ARHGEF16: variants seen among roughly 807,000 people sequenced by gnomAD.
The protein encoded by ARHGEF16 is Rho guanine nucleotide exchange factor 16.
ARHGEF16 carries 59 observed loss-of-function variants against 74.1 expected under a neutral mutation model. The observed-to-expected ratio is 0.80, with a 90% CI of 0.65 to 0.99. The LOEUF is 0.99. ARHGEF16 is among the 50% of genes least tolerant of loss of function. The pLI, the probability that ARHGEF16 is intolerant of heterozygous loss-of-function variation, is 0.00. For missense variants in ARHGEF16, 948 were observed against 986.6 expected (o/e 0.96, Z 0.52); for synonymous variants, 415 against 412.6 (o/e 1.01, Z -0.07).
intron 8 of ARHGEF16, 71 bp from the exon 9 acceptor site, chr1:3,474,637 G>A: frequency 6.9e-7 from 1 of 1,447,942 alleles, no homozygotes; most frequent in Non-Finnish European, 9.7e-7. Context: ...CACGGGGTCT[G>A]GCGTTGGTGG....
At chr1:3,478,740 G>A (rs1424892466) in intron 12 of ARHGEF16, 128 bp downstream of exon 12, 2 of 1,076,200 alleles carry the variant, frequency 1.9e-6, no homozygotes, top group African/African-American at 1.6e-5. Context: ...ACCTGGCCCT[G>A]CTGTAGGTGC....
rs1330982886 is a variant in ARHGEF16 at position 3,463,683 on chromosome 1, G to A, written c.588+11G>A. ...CCGGCCAAAAACAAGGTAGGGGCCT[G>A]CTCGTGTGGACCGTGGGGAGGGGGC... On this transcript the variant is annotated intron_variant, in intron 2 of 14. Coordinates refer to ENST00000378378, the MANE Select transcript of ARHGEF16 (RefSeq NM_014448.4). 1.4e-6 allele frequency: 2 copies of A among 1,405,470 alleles called. No individual in the cohort carries two copies. The highest frequency in any genetic ancestry group is 2.5e-5 in the East Asian group (1 of 39,264). 87.1% of individuals were successfully genotyped at this position (1,405,470 alleles called of 1,614,324 possible). A position where few individuals can be genotyped will look rare whatever the true frequency, so the allele number is the denominator to read the frequency against.
In ARHGEF16 at chr1:3,479,863, A is replaced by T; in HGVS notation, c.1940A>T (p.Glu647Val). 1 of 1,612,436 alleles carries T rather than the reference A, an allele frequency of 6.2e-7. No homozygotes were observed. The highest frequency in any genetic ancestry group is 8.5e-7 in the Non-Finnish European group (1 of 1,179,920). The change falls in exon 14 of 15, where the codon GAG becomes GTG. Residue 647 changes from glutamate (E) to valine (V), a missense_variant. Transcript: ENST00000378378. The stretch of plus-strand genomic sequence containing the variant: ...GCCTTCTTCGCGAAGCAAGCAGACG[A>T]GGTCACACTGCAGCAGGCGGACGTG... ...TKAFFAKQAD[E>V]VTLQQADVVL...
chr1:3,478,577 C>T lies in ARHGEF16; in HGVS notation c.1779C>T (p.Gly593=), dbSNP rs2100761654. The change falls in exon 12 of 15, where the codon GGC becomes GGT. Residue 593 remains glycine (G), a synonymous_variant. Transcript: ENST00000378378. ...FQVTLLRNSE[G]RQEQLLLSSD... ...TGACCCTGCTTCGCAACAGCGAGGGCCGCCAGGAGCAGCTCCTGCTCTCCT... is the reference window on the plus strand; with the variant it reads ...TGACCCTGCTTCGCAACAGCGAGGGTCGCCAGGAGCAGCTCCTGCTCTCCT... The T allele has an allele frequency of 6.2e-7, 1 of 1,612,192 alleles. No homozygotes were observed. The highest frequency in any genetic ancestry group is 8.5e-7 in the Non-Finnish European group (1 of 1,179,608).
chr1:3,457,139 C>T (rs1291081558), intron 1 of ARHGEF16, among the ~76,000 whole-genome samples: 2 of 152,258 alleles, frequency 1.3e-5, no homozygotes, highest in Non-Finnish European at 2.9e-5. Context: ...ACCTTGCAAA[C>T]GGAGCTGGCT....
intron 8 of ARHGEF16, 75 bp from the exon 9 acceptor site, chr1:3,474,633 G>T: frequency 1.4e-6 from 2 of 1,417,506 alleles, no homozygotes; most frequent in Non-Finnish European, 2.0e-6. Flanking sequence ...CCCACACGGG[G>T]TCTGGCGTTG....
chr1:3,467,480 C>A (rs1171119677), intron 4 of ARHGEF16, 143 bp downstream of exon 4: 2 of 1,063,850 alleles, frequency 1.9e-6, no homozygotes, highest in African/African-American at 3.2e-5. Context: ...TTCCCAGAAG[C>A]CCCTCGGCTG....
At chr1:3,479,169 C>T (rs934185825) in intron 12 of ARHGEF16, among the ~76,000 whole-genome samples, 5 of 152,222 alleles carry the variant, frequency 3.3e-5, no homozygotes, top group East Asian at 1.9e-4. Flanking sequence ...CCTCTCAGCT[C>T]GTCTTGACTG....
chr1:3,463,368 T>C lies in ARHGEF16; in HGVS notation c.284T>C (p.Val95Ala). 1.3e-6 allele frequency: 2 copies of C among 1,550,126 alleles called. No homozygotes were observed. The highest frequency in any genetic ancestry group is 1.7e-6 in the Non-Finnish European group (2 of 1,146,880). Residue 95 changes from valine to alanine, a missense_variant, in exon 2 of 15, where the codon GTG (valine) becomes GCG (alanine). Val to Ala is a moderately conservative substitution (Grantham distance 64). Transcript: ENST00000378378. ...CAGCTGATCCCTAAGAGCCTGGCTG[T>C]GGCCAGCAAGGCAAAGACCCCAGCC... ...TQQLIPKSLAVASKAKTPARH... is the reference protein window; with the variant it reads ...TQQLIPKSLAAASKAKTPARH...
intron 1 of ARHGEF16, among the ~76,000 whole-genome samples, chr1:3,461,979 T>G (rs897186588): frequency 4.0e-5 from 6 of 150,772 alleles, no homozygotes; most frequent in African/African-American, 1.5e-4. Context: ...AGGAGGAAAG[T>G]GAGAAATGGG....
intron 1 of ARHGEF16, among the ~76,000 whole-genome samples, chr1:3,458,571 C>T (rs543229101): frequency 6.6e-6 from 1 of 152,372 alleles, no homozygotes; most frequent in South Asian, 2.1e-4. Flanking sequence ...CCATTGGGCC[C>T]TCCCGGTCAG....
At position 3,477,877 on chromosome 1, in the gene ARHGEF16, C is replaced by T. The variant is rs17854723; in HGVS notation, c.1476C>T (p.Ser492=). The change falls in exon 11 of 15, where the codon TCC becomes TCT. Residue 492 remains serine (S), a splice_region_variant and synonymous_variant. Transcript: ENST00000378378. ...GCCTCCCGGCTCTGTCCCCCCAGTC[C>T]CTCCCACTGATCTCTGCCTCCCGGT... is the stretch of plus-strand genomic sequence containing the variant. ...HTQLDFSKVK[S]LPLISASRWL... 18,783 of 1,603,162 alleles carry T rather than the reference C, an allele frequency of 0.012. 1,837 individuals are homozygous for T. The African/African-American group carries it at 0.22, about 18-fold the overall frequency.
intron 3 of ARHGEF16, among the ~76,000 whole-genome samples, chr1:3,466,682 T>A (rs561811966): frequency 6.6e-6 from 1 of 152,180 alleles, no homozygotes; most frequent in Admixed American, 6.5e-5. Context: ...AGGTGCCTGC[T>A]ACCTGGGTCC....
rs1268230976 is a variant in ARHGEF16 at position 3,467,201 on chromosome 1, G to A, written c.668G>A (p.Gly223Asp). The A allele has an allele frequency of 1.3e-6, 2 of 1,550,650 alleles. No individual in the cohort carries two copies. The highest frequency in any genetic ancestry group is 1.7e-6 in the Non-Finnish European group (2 of 1,146,870). Reference sequence around the variant, plus strand: ...CTCTACCAGGAGATCCAGGAGCGGGGCCTGAACACCAGCCAGGAGTCTGAT... The same window carrying A: ...CTCTACCAGGAGATCCAGGAGCGGGACCTGAACACCAGCCAGGAGTCTGAT... ...PQLYQEIQERGLNTSQESDDD... is the reference protein window; with the variant it reads ...PQLYQEIQERDLNTSQESDDD... The change falls in exon 4 of 15, where the codon GGC (glycine) becomes GAC (aspartate). Residue 223 changes from glycine to aspartate, a missense_variant. Coordinates refer to ENST00000378378, the MANE Select transcript of ARHGEF16 (RefSeq NM_014448.4).
In ARHGEF16 at chr1:3,466,258, C is replaced by G. The variant is rs1240002637; in HGVS notation, c.634+65C>G. 5.4e-6 allele frequency: 8 copies of G among 1,480,370 alleles called. No individual in the cohort carries two copies. The East Asian group carries it at 1.3e-4, about 25-fold the overall frequency. 91.7% of individuals were successfully genotyped at this position (1,480,370 alleles called of 1,614,324 possible). On this transcript the variant is annotated intron_variant, in intron 3 of 14. Coordinates refer to ENST00000378378, the MANE Select transcript of ARHGEF16 (RefSeq NM_014448.4). ...GTTGAAACTGGTCTCACTGGGGCAC[C>G]CTGGGGTTCGGGTGGGCCTCAGTTT...
intron 10 of ARHGEF16, among the ~76,000 whole-genome samples, chr1:3,477,538 G>T (rs549806857): frequency 6.6e-6 from 1 of 150,906 alleles, no homozygotes; most frequent in East Asian, 2.0e-4. Context: ...CCCAGCGTCT[G>T]CGTAATTGCC....
chr1:3,463,803 C>T (rs963105289), intron 2 of ARHGEF16, 131 bp downstream of exon 2: 14 of 742,462 alleles, frequency 1.9e-5, no homozygotes, highest in Admixed American at 3.6e-5. Flanking sequence ...TGAGGGCTCT[C>T]GACTGGTTTA....
At chr1:3,462,138 A>G (rs888126678) in intron 1 of ARHGEF16, among the ~76,000 whole-genome samples, 2 of 151,882 alleles carry the variant, frequency 1.3e-5, no homozygotes, top group Admixed American at 1.3e-4. Context: ...ATCGGGCTAC[A>G]GAGATGTCTA....
Position 3,478,413 on chromosome 1 carries a change from T to G in ARHGEF16, c.1626-11T>G, listed in dbSNP as rs1295204244. On this transcript the variant is annotated splice_polypyrimidine_tract_variant and intron_variant, in intron 11 of 14. Transcript: ENST00000378378. ...GTGGGACCGTCCCACCGACTGCCCG[T>G]GTCTCCACAGCGAGGAGAGCTACAT... 6.3e-7 allele frequency: 1 copy of G among 1,583,482 alleles called. No individual in the cohort carries two copies. The highest frequency in any genetic ancestry group is 8.6e-7 in the Non-Finnish European group (1 of 1,159,678).
Sources: allele counts gnomAD v4.1 joint callset (sites outside exome capture counted in the v4.1 genomes callset), GRCh38; gene constraint gnomAD v4.1.1; transcripts MANE v1.5; gene names NCBI Gene and HGNC (gene_info 2026-07-23, HGNC 2026-07-21).